NAALADL2: variants seen among roughly 807,000 people sequenced by gnomAD.
NAALADL2 encodes the protein inactive N-acetylated-alpha-linked acidic dipeptidase-like protein 2.
In NAALADL2, 76 loss-of-function variants were observed where a neutral mutation model predicts 87.2. That is an observed-to-expected ratio of 0.87 (90% CI 0.72 to 1.05). The LOEUF is 1.05. Ranked by LOEUF, NAALADL2 falls within the 50% of genes least tolerant of loss-of-function variation. NAALADL2 has a pLI of 0.00. For missense variants in NAALADL2, 1,089 were observed against 945.8 expected (o/e 1.15, Z -1.99); for synonymous variants, 354 against 331.0 (o/e 1.07, Z -0.75).
At chr3:174,506,616 T>A (rs2108380110) in intron 1 of NAALADL2, among the ~76,000 whole-genome samples, 1 of 152,298 alleles carries the variant, frequency 6.6e-6, no homozygotes, top group South Asian at 2.1e-4. Flanking sequence ...GATTATAGAA[T>A]AAATTTTAAA....
At chr3:174,925,557 CT>C (rs979577587) in intron 1 of NAALADL2, among the ~76,000 whole-genome samples, 1 of 152,118 alleles carries the variant, frequency 6.6e-6, no homozygotes, top group Non-Finnish European at 1.5e-5. Flanking sequence ...TATGCGGGCT[CT>C]TTTTTGGTTC....
intron 2 of NAALADL2, among the ~76,000 whole-genome samples, chr3:174,551,875 T>C (rs945379747): frequency 1.3e-5 from 2 of 152,180 alleles, no homozygotes; most frequent in East Asian, 1.9e-4. Flanking sequence ...GAAAGGCTGA[T>C]GTGGTGGAAG....
intron 1 of NAALADL2, among the ~76,000 whole-genome samples, chr3:174,874,467 G>A (rs925023304): frequency 3.9e-5 from 6 of 152,222 alleles, no homozygotes; most frequent in African/African-American, 1.4e-4. Flanking sequence ...ACCTCAAAGT[G>A]ATTAAGAATG....
chr3:175,322,003 G>A (rs1397770894), intron 4 of NAALADL2, among the ~76,000 whole-genome samples: 2 of 151,846 alleles, frequency 1.3e-5, no homozygotes, highest in Non-Finnish European at 2.9e-5. Flanking sequence ...AGTTCTTATG[G>A]AACCAAAAAA....
chr3:175,082,932 T>C (rs1490399647), intron 1 of NAALADL2, among the ~76,000 whole-genome samples: 3 of 152,194 alleles, frequency 2.0e-5, no homozygotes, highest in Non-Finnish European at 4.4e-5. Flanking sequence ...TAGATTCCTT[T>C]CAAAATGTAT....
chr3:174,679,432 A>C (rs919877228), intron 2 of NAALADL2, among the ~76,000 whole-genome samples: 1 of 152,112 alleles, frequency 6.6e-6, no homozygotes, highest in African/African-American at 2.4e-5. Flanking sequence ...TTTTATGTAC[A>C]ATTTCTGTAA....
At chr3:174,839,803 C>G (rs528060056) in intron 3 of NAALADL2, among the ~76,000 whole-genome samples, 1 of 151,796 alleles carries the variant, frequency 6.6e-6, no homozygotes, top group East Asian at 1.9e-4. Flanking sequence ...GTGATACCAC[C>G]TTACTCCTGA....
rs929242938 is a variant in NAALADL2 at position 174,682,843 on chromosome 3, T to C, written c.-114-54798T>C. 3.9e-5 allele frequency among the ~76,000 whole-genome samples: 6 copies of C among 152,216 alleles called. No individual in the cohort carries two copies. In the East Asian group the frequency reaches 1.2e-3, roughly 29 times the overall value. On this transcript the variant is annotated intron_variant, in intron 2 of 3. Transcript: ENST00000434257. ...TAGTATTAATGAATACCTTACTGTTTGATGCTTTGACACTAATGAACATCC... is the reference window on the plus strand; with the variant it reads ...TAGTATTAATGAATACCTTACTGTTCGATGCTTTGACACTAATGAACATCC...
At chr3:174,927,163 G>A (rs901370267) in intron 1 of NAALADL2, among the ~76,000 whole-genome samples, 7 of 151,984 alleles carry the variant, frequency 4.6e-5, no homozygotes, top group South Asian at 2.1e-4. Context: ...GCTAACTATC[G>A]TAATTATATA....
intron 1 of NAALADL2, among the ~76,000 whole-genome samples, chr3:174,889,403 T>C (rs902433677): frequency 6.6e-6 from 1 of 152,160 alleles, no homozygotes; most frequent in Non-Finnish European, 1.5e-5. Flanking sequence ...ATGTGGGATT[T>C]ACACCTGGCT....
intron 3 of NAALADL2, among the ~76,000 whole-genome samples, chr3:174,760,128 A>T (rs1712721913): frequency 6.6e-6 from 1 of 152,202 alleles, no homozygotes; most frequent in South Asian, 2.1e-4. Flanking sequence ...TATGTATGCA[A>T]GGAAACTGAT....
At chr3:175,453,172 T>G (rs1019019692) in intron 6 of NAALADL2, among the ~76,000 whole-genome samples, 1 of 152,182 alleles carries the variant, frequency 6.6e-6, no homozygotes, top group Admixed American at 6.6e-5. Context: ...ATTTTTCAAA[T>G]ACCTGTCACT....
At chr3:174,537,423 T>C (rs1721822956) in intron 1 of NAALADL2, among the ~76,000 whole-genome samples, 1 of 152,224 alleles carries the variant, frequency 6.6e-6, no homozygotes. Flanking sequence ...AACAATATTC[T>C]ATTTCTCTTT....
chr3:174,924,809 C>T lies in NAALADL2; in HGVS notation c.43+65359C>T, dbSNP rs865923293. 1.3e-4 allele frequency among the ~76,000 whole-genome samples: 20 copies of T among 152,238 alleles called. No homozygotes were observed. In the Middle Eastern group the frequency reaches 0.01, roughly 78 times the overall value. On this transcript the variant is annotated intron_variant, in intron 1 of 13. Transcript: ENST00000454872. ...GTTTTGCTTTGCATTTCTCTGATGG[C>T]CAGTGATGATGAGCATTTTTTCAAG... is the stretch of plus-strand genomic sequence containing the variant.
chr3:175,118,521 C>T (rs1022381768), intron 2 of NAALADL2, among the ~76,000 whole-genome samples: 1 of 151,624 alleles, frequency 6.6e-6, no homozygotes, highest in Admixed American at 6.6e-5. Flanking sequence ...AGGCAGGAGG[C>T]GGTAAACAAA....
intron 9 of NAALADL2, among the ~76,000 whole-genome samples, chr3:175,478,690 GC>G (rs982612252): frequency 1.3e-5 from 2 of 151,872 alleles, no homozygotes; most frequent in African/African-American, 2.4e-5. Flanking sequence ...CTTTTTGTCT[GC>G]AATTTTTTGA....
Position 175,225,500 on chromosome 3 carries a change from A to G in NAALADL2, c.546-8431A>G, listed in dbSNP as rs183813896. Among the ~76,000 whole-genome samples, 5 of 152,200 alleles carry G rather than the reference A, an allele frequency of 3.3e-5. No individual in the cohort carries two copies. The East Asian group carries it at 9.7e-4, about 29-fold the overall frequency. Reference sequence around the variant, plus strand: ...TAATTTTTTAAGATTACTGAAAGAGATTAATAATCTTTGTGTTAATGACAA... The same window carrying G: ...TAATTTTTTAAGATTACTGAAAGAGGTTAATAATCTTTGTGTTAATGACAA... On this transcript the variant is annotated intron_variant, in intron 2 of 13. Transcript: ENST00000454872.
chr3:175,617,357 C>G (rs917308046), intron 10 of NAALADL2, among the ~76,000 whole-genome samples: 5 of 152,132 alleles, frequency 3.3e-5, no homozygotes, highest in Non-Finnish European at 7.4e-5. Flanking sequence ...TTTGGTCCTG[C>G]TGGACCATTT....
chr3:174,675,644 C>G (rs1726974671), intron 2 of NAALADL2, among the ~76,000 whole-genome samples: 1 of 152,014 alleles, frequency 6.6e-6, no homozygotes, highest in African/African-American at 2.4e-5. Flanking sequence ...TATGCAAATA[C>G]TCTCTGAGTA....
Sources: gnomAD v4.1 joint callset for allele counts (sites outside exome capture counted in the v4.1 genomes callset) on GRCh38, gnomAD v4.1.1 for gene constraint, MANE v1.5 for transcripts, NCBI Gene and HGNC (gene_info 2026-07-23, HGNC 2026-07-21) for gene names.